LAMA2: variants seen among roughly 807,000 people sequenced by gnomAD.
LAMA2 encodes laminin subunit alpha 2, also known as laminin subunit alpha-2.
Under a neutral mutation model 364.8 loss-of-function variants are expected in LAMA2, and 269 were observed. That is an observed-to-expected ratio of 0.74 (90% CI 0.67 to 0.82). The LOEUF is 0.82. LAMA2 is among the 40% of genes least tolerant of loss of function. The pLI is 0.00. For synonymous variants in LAMA2, 1,379 were observed against 1,370.6 expected, an observed-to-expected ratio of 1.01 and a Z score of -0.14; for missense variants, 3,807 against 3,873.2, an observed-to-expected ratio of 0.98 and a Z score of 0.45.
intron 38 of LAMA2, 53 bp from the exon 39 acceptor site, chr6:129,402,271 A>G: frequency 7.0e-7 from 1 of 1,426,308 alleles, no homozygotes; most frequent in Non-Finnish European, 9.9e-7. Flanking sequence ...AATTAGTAAA[A>G]GAGAGGAGGC....
In LAMA2 at chr6:129,316,314, G is replaced by A. The variant is rs888382657; in HGVS notation, c.4058+143G>A. 9 of 690,850 alleles carry A rather than the reference G, an allele frequency of 1.3e-5. No homozygotes were observed. In the Admixed American group the frequency reaches 1.3e-4, roughly 10 times the overall value. The allele number at this position is 690,850 out of a possible 1,614,324, so 42.8% of individuals were successfully genotyped here. On this transcript the variant is annotated intron_variant, in intron 27 of 64. Transcript: ENST00000421865. ...GAAGATAAACCATGGAGGCTTCCCT[G>A]TGACCTGGAAGAAGCTACTACCATT...
intron 1 of LAMA2, chr6:128,928,942 G>T (rs1582700695): frequency 2.4e-6 from 2 of 850,676 alleles, no homozygotes; most frequent in South Asian, 1.4e-5. Context: ...CAACAGATAA[G>T]GGAGTAGAGG....
At chr6:129,167,173 A>C (rs1291526621) in intron 9 of LAMA2, among the ~76,000 whole-genome samples, 4 of 151,782 alleles carry the variant, frequency 2.6e-5, no homozygotes, top group African/African-American at 9.7e-5. Flanking sequence ...TATTTTTTTT[A>C]ATTATACTTT....
chr6:128,924,235 T>A (rs929135158), intron 1 of LAMA2, among the ~76,000 whole-genome samples: 1 of 152,178 alleles, frequency 6.6e-6, no homozygotes, highest in Non-Finnish European at 1.5e-5. Context: ...TATGTATTTA[T>A]GTGTGATGTA....
chr6:129,424,511 T>C (rs2114735130), intron 40 of LAMA2, among the ~76,000 whole-genome samples: 1 of 151,466 alleles, frequency 6.6e-6, no homozygotes, highest in Admixed American at 6.6e-5. Context: ...AGATTATTCA[T>C]ATGTATCATT....
At chr6:129,075,782 T>A (rs1265036997) in intron 3 of LAMA2, among the ~76,000 whole-genome samples, 3 of 152,008 alleles carry the variant, frequency 2.0e-5, no homozygotes, top group African/African-American at 7.2e-5. Context: ...TGTTTTAACG[T>A]GTTATCTTTG....
chr6:129,216,534 T>G (rs971275105), intron 12 of LAMA2, among the ~76,000 whole-genome samples: 35 of 152,220 alleles, frequency 2.3e-4, no homozygotes, highest in Non-Finnish European at 2.9e-5. Context: ...AACATCTTCC[T>G]TGAATTATAT....
chr6:128,987,915 A>T (rs4897287), intron 1 of LAMA2, among the ~76,000 whole-genome samples: 1 of 152,098 alleles, frequency 6.6e-6, no homozygotes, highest in African/African-American at 2.4e-5. Context: ...TCCCTCTGTC[A>T]CCAGGCTGGA....
intron 58 of LAMA2, among the ~76,000 whole-genome samples, chr6:129,494,627 T>G (rs1378491110): frequency 6.6e-6 from 1 of 152,208 alleles, no homozygotes; most frequent in Non-Finnish European, 1.5e-5. Context: ...GTATTATATT[T>G]CACAAAGGAA....
chr6:129,170,097 C>T (rs1404452524), intron 9 of LAMA2, among the ~76,000 whole-genome samples: 19 of 151,346 alleles, frequency 1.3e-4, no homozygotes, highest in South Asian at 2.1e-4. Context: ...ATTTTGTTGA[C>T]CCTTTCAAAA....
intron 39 of LAMA2, 86 bp downstream of exon 39, chr6:129,402,573 C>A: frequency 7.6e-7 from 1 of 1,322,410 alleles, no homozygotes; most frequent in South Asian, 1.2e-5. Flanking sequence ...GAATCATTTT[C>A]AAATCCTGAT....
At chr6:128,984,783 G>A (rs750127663) in intron 1 of LAMA2, among the ~76,000 whole-genome samples, 66 of 151,810 alleles carry the variant, frequency 4.3e-4, no homozygotes, top group Non-Finnish European at 2.9e-4. Context: ...ATTTTACTCC[G>A]TCCTCAGTTT....
intron 27 of LAMA2, among the ~76,000 whole-genome samples, chr6:129,318,134 A>C (rs1665661941): frequency 6.6e-6 from 1 of 152,186 alleles, no homozygotes; most frequent in Non-Finnish European, 1.5e-5. Flanking sequence ...AAAGGTTTGA[A>C]TAGTCCCCCT....
At chr6:128,895,947 G>A (rs982921268) in intron 1 of LAMA2, among the ~76,000 whole-genome samples, 1 of 152,150 alleles carries the variant, frequency 6.6e-6, no homozygotes, top group Non-Finnish European at 1.5e-5. Flanking sequence ...ACCATTGTAT[G>A]TGTGTCATAT....
intron 13 of LAMA2, among the ~76,000 whole-genome samples, chr6:129,251,598 A>G (rs1049461494): frequency 6.6e-6 from 1 of 152,168 alleles, no homozygotes; most frequent in Non-Finnish European, 1.5e-5. Flanking sequence ...GTATACCACA[A>G]ATATATTCCC....
chr6:129,114,874 GA>G (rs1239038154), intron 4 of LAMA2, among the ~76,000 whole-genome samples: 6 of 152,076 alleles, frequency 3.9e-5, no homozygotes, highest in African/African-American at 1.4e-4. Context: ...TGTCTAGTTT[GA>G]ATATTCTGAT....
intron 1 of LAMA2, among the ~76,000 whole-genome samples, chr6:128,910,046 C>G (rs765266135): frequency 6.1e-4 from 92 of 151,848 alleles, no homozygotes; most frequent in Admixed American, 1.5e-3. Context: ...GTAACCCGTG[C>G]TTTCTCTCTG....
At chr6:128,961,354 T>TATATATATTATATATATATATATA (rs1562873130) in intron 1 of LAMA2, among the ~76,000 whole-genome samples, 19 of 77,606 alleles carry the variant, frequency 2.4e-4, no homozygotes, top group African/African-American at 7.8e-4. Context: ...TATATATATA[T>TATATATATTATATATATATATATA]ATATATATAT....
intron 1 of LAMA2, among the ~76,000 whole-genome samples, chr6:129,024,390 T>C (rs1785661321): frequency 1.4e-5 from 1 of 72,330 alleles, no homozygotes; most frequent in Non-Finnish European, 2.9e-5. Flanking sequence ...TTCTTTTTTT[T>C]TTTTTTTTTT....
Sources: allele counts gnomAD v4.1 joint callset (sites outside exome capture counted in the v4.1 genomes callset), GRCh38; gene constraint gnomAD v4.1.1; transcripts MANE v1.5; gene names NCBI Gene and HGNC (gene_info 2026-07-23, HGNC 2026-07-21).